DYNC2H1: variants seen among roughly 807,000 people sequenced by gnomAD.
DYNC2H1 encodes dynein cytoplasmic 2 heavy chain 1.
A neutral mutation model predicts 570.0 loss-of-function variants in DYNC2H1; 410 were observed. The ratio of observed to expected loss-of-function variants is 0.72; its 90% confidence interval spans 0.66 to 0.78. The LOEUF (loss-of-function observed/expected upper bound fraction) is 0.78, where lower values mean the gene tolerates loss of function less well. Among genes scored for constraint, DYNC2H1 ranks in the 30% least tolerant of loss-of-function variants. The pLI is 0.00. For synonymous variants in DYNC2H1, 1,688 were observed against 1,677.6 expected, an observed-to-expected ratio of 1.01 and a Z score of -0.15; for missense variants, 4,865 against 5,046.4, an observed-to-expected ratio of 0.96 and a Z score of 1.09.
chr11:103,196,830 T>G (rs1337506183), intron 47 of DYNC2H1, among the ~76,000 whole-genome samples: 1 of 152,112 alleles, frequency 6.6e-6, no homozygotes, highest in Non-Finnish European at 1.5e-5. Context: ...GTATTATTGT[T>G]CCCAAATAAG....
At chr11:103,125,746 T>G (rs1858964653) in intron 12 of DYNC2H1, among the ~76,000 whole-genome samples, 1 of 152,184 alleles carries the variant, frequency 6.6e-6, no homozygotes, top group African/African-American at 2.4e-5. Context: ...ACAGTCTAGC[T>G]CCATAACATG....
rs752768274 is a variant in DYNC2H1, at chr11:103,184,902, T to C, written c.6484T>C (p.Tyr2162His). 1.2e-6 allele frequency: 2 copies of C among 1,610,342 alleles called. No homozygotes were observed. Among genetic ancestry groups the C allele is most frequent in the Non-Finnish European group, 1.7e-6 (2 of 1,177,420 alleles). Residue 2162 changes from tyrosine (Y) to histidine (H), a missense_variant, in exon 41 of 89, where the codon TAT becomes CAT. By Grantham distance (83) the Tyr-to-His change is moderately conservative (BLOSUM62 2). Coordinates refer to ENST00000375735, the MANE Select transcript of DYNC2H1 (RefSeq NM_001377.3). ...CACGGATTTTAATCAACAGAATGACTATGTGGTAGAAACAAGTTTGGTTGG... is the reference window on the plus strand; with the variant it reads ...CACGGATTTTAATCAACAGAATGACCATGTGGTAGAAACAAGTTTGGTTGG... ...ALQWVLKQND[Y>H]VVETSLVGTV...
At chr11:103,134,215 T>G in intron 14 of DYNC2H1, 106 bp from the exon 15 acceptor site, 1 of 931,962 alleles carries the variant, frequency 1.1e-6, no homozygotes, top group Non-Finnish European at 1.7e-6. Flanking sequence ...ATAGATTAAG[T>G]TAAACTTGAT....
intron 75 of DYNC2H1, among the ~76,000 whole-genome samples, chr11:103,292,105 C>A (rs11225659): frequency 6.6e-6 from 1 of 151,192 alleles, no homozygotes; most frequent in East Asian, 1.9e-4. Flanking sequence ...AGACTAACTA[C>A]GGCTATTTTG....
intron 81 of DYNC2H1, among the ~76,000 whole-genome samples, chr11:103,321,763 T>G (rs975911209): frequency 2.0e-5 from 3 of 152,156 alleles, no homozygotes; most frequent in African/African-American, 7.2e-5. Context: ...GAAAGCCTCC[T>G]AGAATGTACT....
chr11:103,305,372 A>G lies in DYNC2H1; in HGVS notation c.11382+652A>G, dbSNP rs1405114202. Among the ~76,000 whole-genome samples the G allele has an allele frequency of 6.6e-6, 1 of 152,078 alleles. No individual in the cohort carries two copies. Among genetic ancestry groups the G allele is most frequent in the Non-Finnish European group, 1.5e-5 (1 of 68,012 alleles). On this transcript the variant is annotated intron_variant, in intron 77 of 88. Coordinates refer to ENST00000375735, the MANE Select transcript of DYNC2H1 (RefSeq NM_001377.3). The surrounding 1 kb of genome is among the most constrained non-coding windows in gnomAD (Gnocchi z 4.3). ...AGTAGAGATAGTGTTGGGGATGTCC[A>G]CCCCTAGTACAAGGAATGAAGAGAT... is the stretch of plus-strand genomic sequence containing the variant.
chr11:103,424,445 C>T (rs1943596040), intron 84 of DYNC2H1, among the ~76,000 whole-genome samples: 1 of 152,098 alleles, frequency 6.6e-6, no homozygotes, highest in Admixed American at 6.5e-5. Context: ...TATTTGCCCA[C>T]TATATCACTC....
intron 54 of DYNC2H1, among the ~76,000 whole-genome samples, chr11:103,215,333 A>G (rs962184457): frequency 6.6e-6 from 1 of 152,090 alleles, no homozygotes; most frequent in South Asian, 2.1e-4. Flanking sequence ...TCCAATGCCT[A>G]ATTTTTTGAG....
At chr11:103,233,644 G>A (rs892680786) in intron 60 of DYNC2H1, among the ~76,000 whole-genome samples, 1 of 151,816 alleles carries the variant, frequency 6.6e-6, no homozygotes, top group African/African-American at 2.4e-5. Context: ...TACTGATAAT[G>A]TAAAATTCTT....
In DYNC2H1 at chr11:103,177,690, G is replaced by A. The variant is rs774671628; in HGVS notation, c.6009G>A (p.Val2003=). The A allele has an allele frequency of 1.2e-6, 2 of 1,613,406 alleles. No individual in the cohort carries two copies. Among genetic ancestry groups the A allele is most frequent in the Admixed American group, 1.7e-5 (1 of 59,906 alleles). ...CGCTTTGTAAAACTGGCAAAGTAGTGAAACAATATACTATGAATCCCAAAG... is the reference window on the plus strand; with the variant it reads ...CGCTTTGTAAAACTGGCAAAGTAGTAAAACAATATACTATGAATCCCAAAG... ...RAALCKTGKV[V]KQYTMNPKAM... is the part of the protein sequence containing the mutation. Residue 2003 remains valine (V), a synonymous_variant, in exon 38 of 89, where the codon GTG becomes GTA. Transcript: ENST00000375735. The surrounding 1 kb of genome is among the most constrained non-coding windows in gnomAD (Gnocchi z 4.4).
At chr11:103,140,750 C>T (rs1289394390) in intron 17 of DYNC2H1, among the ~76,000 whole-genome samples, 1 of 152,146 alleles carries the variant, frequency 6.6e-6, no homozygotes, top group African/African-American at 2.4e-5. Flanking sequence ...GAATGTTGGC[C>T]TGCCTTGCTA....
chr11:103,430,479 A>G (rs374236898), intron 84 of DYNC2H1, among the ~76,000 whole-genome samples: 25 of 152,090 alleles, frequency 1.6e-4, no homozygotes, highest in African/African-American at 5.8e-4. Context: ...ATTACCGTAC[A>G]TTTTTAACTC....
At chr11:103,345,855 G>A (rs1030347737) in intron 82 of DYNC2H1, among the ~76,000 whole-genome samples, 2 of 152,274 alleles carry the variant, frequency 1.3e-5, no homozygotes, top group South Asian at 4.1e-4. Context: ...TAATGCTGTT[G>A]CTCAAAATGG....
intron 84 of DYNC2H1, among the ~76,000 whole-genome samples, chr11:103,422,326 C>T (rs768389871): frequency 1.3e-5 from 2 of 152,112 alleles, no homozygotes; most frequent in Non-Finnish European, 2.9e-5. Flanking sequence ...AAAGACTCTT[C>T]CCTAACTTAT....
intron 52 of DYNC2H1, among the ~76,000 whole-genome samples, chr11:103,208,261 C>G (rs1396324075): frequency 6.6e-6 from 1 of 151,948 alleles, no homozygotes; most frequent in East Asian, 1.9e-4. Flanking sequence ...GAAGGTAAGA[C>G]AAGGATTGTG....
chr11:103,200,562 A>G (rs922142341), intron 50 of DYNC2H1, among the ~76,000 whole-genome samples: 10 of 152,318 alleles, frequency 6.6e-5, no homozygotes, highest in Middle Eastern at 3.4e-3. Context: ...AATAGGTAGT[A>G]TAATTTATAA....
At chr11:103,152,114 T>TTTG in intron 20 of DYNC2H1, 22 bp from the exon 21 acceptor site, 1 of 1,209,740 alleles carries the variant, frequency 8.3e-7, no homozygotes, top group Non-Finnish European at 1.1e-6. Flanking sequence ...ATTCAATTTG[T>TTTG]TTTTTTTTTT....
intron 12 of DYNC2H1, 73 bp from the exon 13 acceptor site, chr11:103,128,837 C>T: frequency 8.0e-7 from 1 of 1,250,700 alleles, no homozygotes; most frequent in Non-Finnish European, 1.1e-6. Context: ...TTAACATTTT[C>T]ATTCAAACAA....
chr11:103,313,210 C>T (rs1299561196), intron 79 of DYNC2H1, among the ~76,000 whole-genome samples: 4 of 152,172 alleles, frequency 2.6e-5, no homozygotes, highest in African/African-American at 4.8e-5. Context: ...CTTCAGCCTC[C>T]TCTCAGGCCC....
Sources: gnomAD v4.1 joint callset for allele counts (sites outside exome capture counted in the v4.1 genomes callset) on GRCh38, gnomAD v4.1.1 for gene constraint, Gnocchi (gnomAD v3.1) non-coding constraint, MANE v1.5 for transcripts, NCBI Gene and HGNC (gene_info 2026-07-23, HGNC 2026-07-21) for gene names.